Variants in LAMA5 observed in about 807,000 individuals in gnomAD.
LAMA5 encodes the protein laminin subunit alpha 5.
LAMA5 carries 260 observed loss-of-function variants against 433.4 expected under a neutral mutation model. The ratio of observed to expected loss-of-function variants is 0.60; its 90% CI spans 0.54 to 0.66. The LOEUF is 0.66. Among genes scored for constraint, LAMA5 ranks in the 30% least tolerant of loss-of-function variants. LAMA5 has a pLI of 0.00. For synonymous variants in LAMA5, 2,620 were observed against 2,226.6 expected, an observed-to-expected ratio of 1.18 and a Z score of -4.97; for missense variants, 5,378 against 5,258.5, an observed-to-expected ratio of 1.02 and a Z score of -0.70.
At chr20:62,334,753 C>CAGGGTG (rs1981230341) in intron 20 of LAMA5, 132 bp from the exon 21 acceptor site, 2 of 581,998 alleles carry the variant, frequency 3.4e-6, no homozygotes, top group African/African-American at 2.0e-5. Context: ...GCTCAGGGCT[C>CAGGGTG]AGGGCGAGGG....
At chr20:62,330,117 C>T (rs1004472343) in intron 31 of LAMA5, among the ~76,000 whole-genome samples, 1 of 152,236 alleles carries the variant, frequency 6.6e-6, no homozygotes, top group Non-Finnish European at 1.5e-5. Flanking sequence ...AGATGTCATG[C>T]GGGACACCTC....
intron 16 of LAMA5, 175 bp from the exon 17 acceptor site, chr20:62,336,961 G>A (rs1328853708): frequency 1.1e-5 from 8 of 709,956 alleles, no homozygotes; most frequent in East Asian, 2.7e-5. Context: ...CCGCAGCAAC[G>A]GACGTGCCAT....
In LAMA5 at chr20:62,352,024, G is replaced by A. The variant is rs757154305; in HGVS notation, c.743C>T (p.Pro248Leu). The A allele has an allele frequency of 4.3e-6, 7 of 1,612,572 alleles. No individual in the cohort carries two copies. Among genetic ancestry groups the A allele is most frequent in the South Asian group, 2.2e-5 (2 of 91,086 alleles). ...GGCCTTGGTGAACTCACGTAGCAGC[G>A]GCGAGTAGGAGAAATTCATGGCGCC... ...RPGAMNFSYS[P>L]LLREFTKATN... Residue 248 changes from proline (P) to leucine (L), a missense_variant, in exon 5 of 80, where the codon CCG (proline) becomes CTG (leucine). Transcript: ENST00000252999.
intron 68 of LAMA5, 30 bp from the exon 69 acceptor site, chr20:62,312,346 G>A (rs116057224): frequency 7.5e-6 from 12 of 1,603,192 alleles, no homozygotes; most frequent in Middle Eastern, 1.6e-4. Flanking sequence ...GAGTGCCCGC[G>A]GGTGCCCCTG....
chr20:62,367,052 C>T lies in LAMA5; in HGVS notation c.194G>A (p.Gly65Glu). 1 of 1,266,920 alleles carries T rather than the reference C, an allele frequency of 7.9e-7. No individual in the cohort carries two copies. Among genetic ancestry groups the T allele is most frequent in the African/African-American group, 1.5e-5 (1 of 65,002 alleles). 78.5% of individuals were successfully genotyped at this position (1,266,920 alleles called of 1,614,324 possible). A position where few individuals can be genotyped will look rare whatever the true frequency, so the allele number is the denominator to read the frequency against. Reference protein sequence around the residue: ...GARIAASATCGEEAPARGSPR... With the variant: ...GARIAASATCEEEAPARGSPR... ...GGAGCCGCGCGCCGGGGCCTCCTCT[C>T]CGCAGGTCGCGGAGGCGGCGATGCG... is the stretch of plus-strand genomic sequence containing the variant. The change falls in exon 1 of 80, where the codon GGA becomes GAA. Residue 65 changes from glycine to glutamate, a missense_variant. Physicochemically the swap from Gly to Glu is moderately conservative, Grantham distance 98. Transcript: ENST00000252999.
At chr20:62,313,846 A>AGGGGTGGCGAGTGGGCACGGAGAGATG in intron 62 of LAMA5, 44 bp from the exon 63 acceptor site, 1 of 1,571,708 alleles carries the variant, frequency 6.4e-7, no homozygotes, top group Admixed American at 1.7e-5. Context: ...CGGAGAGATG[A>AGGGGTGGCGAGTGGGCACGGAGAGATG]GGGGTGGCGA....
At position 62,318,077 on chromosome 20, in the gene LAMA5, G is replaced by C. The variant is rs374451268; in HGVS notation, c.7240-299C>G. On this transcript the variant is annotated intron_variant, in intron 53 of 79. Coordinates refer to ENST00000252999, the MANE Select transcript of LAMA5 (RefSeq NM_005560.6). Reference sequence around the variant, plus strand: ...GGGGTGAGGAGAGATGGGGAAATGAGAGGAGGAGAAGGGGAAGGAGAGAAT... The same window carrying C: ...GGGGTGAGGAGAGATGGGGAAATGACAGGAGGAGAAGGGGAAGGAGAGAAT... 3.1e-4 allele frequency among the ~76,000 whole-genome samples: 6 copies of C among 19,562 alleles called. No individual in the cohort carries two copies. The East Asian group carries it at 4.7e-3, about 15-fold the overall frequency. 12.8% of individuals were successfully genotyped at this position (19,562 alleles called of 152,430 possible).
chr20:62,354,181 C>T (rs1354898294), intron 2 of LAMA5, among the ~76,000 whole-genome samples: 14 of 152,072 alleles, frequency 9.2e-5, no homozygotes, highest in Admixed American at 4.6e-4. Flanking sequence ...CTTCACAGGA[C>T]GCTTTGTACA....
Position 62,314,804 on chromosome 20 carries a change from T to G in LAMA5, c.8191A>C (p.Ser2731Arg). 6.2e-7 allele frequency: 1 copy of G among 1,612,836 alleles called. No individual in the cohort carries two copies. Among genetic ancestry groups the G allele is most frequent in the Non-Finnish European group, 8.5e-7 (1 of 1,179,912 alleles). ...CCCCTGGGACTCTCACCCACCTTAC[T>G]GGCAGCCCCCCGGGCCTGGGCAATG... ...ELIAQARGAA[S>R]KVKVPMKFNG... Residue 2731 changes from serine to arginine, a missense_variant, in exon 60 of 80, where the codon AGT becomes CGT. Transcript: ENST00000252999.
At chr20:62,362,130 C>G (rs1037844271) in intron 2 of LAMA5, among the ~76,000 whole-genome samples, 2 of 152,212 alleles carry the variant, frequency 1.3e-5, no homozygotes, top group Non-Finnish European at 1.5e-5. Flanking sequence ...ACTCAGCACC[C>G]GCAACCAAAC....
At chr20:62,365,411 C>T (rs1337336144) in intron 1 of LAMA5, among the ~76,000 whole-genome samples, 1 of 152,226 alleles carries the variant, frequency 6.6e-6, no homozygotes, top group Admixed American at 6.5e-5. Flanking sequence ...CAGGCTGGCC[C>T]TTTACTCACG....
At chr20:62,363,597 C>T (rs533165034) in intron 1 of LAMA5, among the ~76,000 whole-genome samples, 12 of 152,216 alleles carry the variant, frequency 7.9e-5, no homozygotes, top group African/African-American at 2.9e-4. Context: ...CCCGCCCCCC[C>T]AGGAAACCAG....
chr20:62,332,068 A>G (rs79462406), intron 28 of LAMA5, among the ~76,000 whole-genome samples: 3,498 of 151,372 alleles, frequency 0.023, 64 homozygotes, highest in Non-Finnish European at 0.034. Context: ...AAAAAAAAAG[A>G]AAAGAAAGTT....
At chr20:62,352,572 G>A (rs993187807) in intron 3 of LAMA5, among the ~76,000 whole-genome samples, 3 of 151,914 alleles carry the variant, frequency 2.0e-5, no homozygotes, top group Admixed American at 1.3e-4. Context: ...CTTTGAGTGC[G>A]AGTGACCCCC....
chr20:62,309,743 C>T lies in LAMA5; in HGVS notation c.10921G>A (p.Ala3641Thr), dbSNP rs773325755. Reference protein sequence around the residue: ...PLLAAAAGAPAPLYLGGLPEP... With the variant: ...PLLAAAAGAPTPLYLGGLPEP... ...GGCAGGCCCCCGAGGTACAGAGGGG[C>T]TGGGGCACCAGCTGCAGCCGCCAGC... Residue 3641 changes from alanine (A) to threonine (T), a missense_variant, in exon 79 of 80, where the codon GCC becomes ACC. Transcript: ENST00000252999. 8 of 1,603,420 alleles carry T rather than the reference C, an allele frequency of 5.0e-6. No individual in the cohort carries two copies. In the South Asian group the frequency reaches 7.7e-5, roughly 16 times the overall value.
chr20:62,333,433 G>A lies in LAMA5; in HGVS notation c.3070C>T (p.Gln1024Ter), dbSNP rs762172013. ...PSAYYEAALLQLRVTEACTYR... is the reference protein window; with the variant it reads ...PSAYYEAALL Reference sequence around the variant, plus strand: ...GTGCAGGCCTCAGTCACCCGCAGCTGCAGGAGCGCCGCCTCGTAGTATGCG... The same window carrying A: ...GTGCAGGCCTCAGTCACCCGCAGCTACAGGAGCGCCGCCTCGTAGTATGCG... The change falls in exon 25 of 80, where the codon CAG becomes TAG. Residue 1024 changes from glutamine to a stop codon, truncating the protein, a stop_gained. Transcript: ENST00000252999. LOFTEE classifies it high-confidence loss of function. 6.2e-7 allele frequency: 1 copy of A among 1,612,810 alleles called. No homozygotes were observed. The highest frequency in any genetic ancestry group is 8.5e-7 in the Non-Finnish European group (1 of 1,179,896).
chr20:62,314,282 G>C (rs1451108607), intron 62 of LAMA5, 22 bp downstream of exon 62: 2 of 1,610,150 alleles, frequency 1.2e-6, no homozygotes, highest in African/African-American at 2.7e-5. Context: ...GAGGCATCCG[G>C]CCTCTCTCCT....
At position 62,316,673 on chromosome 20, in the gene LAMA5, A is replaced by G. The variant is rs1409758541; in HGVS notation, c.7754T>C (p.Leu2585Pro). 8 of 1,588,108 alleles carry G rather than the reference A, an allele frequency of 5.0e-6. No homozygotes were observed. Among genetic ancestry groups the G allele is most frequent in the Non-Finnish European group, 6.9e-6 (8 of 1,163,910 alleles). ...AMLQEQQRLG[L>P]VWAALQGART... is the part of the protein sequence containing the mutation. Reference sequence around the variant, plus strand: ...CCCCATCGGAGCCCAGCACTCACCAAGGCCCAGCCTCTGCTGTTCCTGGAG... The same window carrying G: ...CCCCATCGGAGCCCAGCACTCACCAGGGCCCAGCCTCTGCTGTTCCTGGAG... Residue 2585 changes from leucine to proline, a missense_variant and splice_region_variant, in exon 57 of 80, where the codon CTT (leucine) becomes CCT (proline). Leu to Pro is a moderately conservative substitution (Grantham distance 98). Transcript: ENST00000252999.
chr20:62,323,896 G>C lies in LAMA5; in HGVS notation c.5769-40C>G, dbSNP rs754064755. On this transcript the variant is annotated intron_variant, in intron 43 of 79. Coordinates refer to ENST00000252999, the MANE Select transcript of LAMA5 (RefSeq NM_005560.6). Reference sequence around the variant, plus strand: ...AGCGTCAGTCACTAGGCCCCTGGCAGTGCCCGGGCCCGGGCGAGCACACTG... The same window carrying C: ...AGCGTCAGTCACTAGGCCCCTGGCACTGCCCGGGCCCGGGCGAGCACACTG... 2.8e-5 allele frequency: 44 copies of C among 1,561,702 alleles called. No homozygotes were observed. The East Asian group carries it at 9.7e-4, about 34-fold the overall frequency.
Sources: allele counts gnomAD v4.1 joint callset (sites outside exome capture counted in the v4.1 genomes callset), GRCh38; gene constraint gnomAD v4.1.1; transcripts MANE v1.5; gene names NCBI Gene and HGNC (gene_info 2026-07-23, HGNC 2026-07-21).